TPST1: variants seen among roughly 807,000 people sequenced by gnomAD.
TPST1 encodes the protein tyrosylprotein sulfotransferase 1.
In TPST1, 20 loss-of-function variants were observed where a neutral mutation model predicts 34.8. The ratio of observed to expected loss-of-function variants is 0.57; its 90% CI spans 0.40 to 0.84. TPST1 has a LOEUF of 0.84. TPST1 is among the 40% of genes least tolerant of loss of function. TPST1 has a pLI of 0.00. For synonymous variants in TPST1, 152 were observed against 159.4 expected, an observed-to-expected ratio of 0.95 and a Z score of 0.35; for missense variants, 353 against 455.5, an observed-to-expected ratio of 0.78 and a Z score of 2.05.
intron 1 of TPST1, among the ~76,000 whole-genome samples, chr7:66,232,494 TC>T (rs1789819308): frequency 6.6e-6 from 1 of 152,058 alleles, no homozygotes; most frequent in African/African-American, 2.4e-5. Flanking sequence ...TGCCTCAGCC[TC>T]CCGAGTAGCT....
At chr7:66,302,867 G>C (rs1266646723) in intron 3 of TPST1, among the ~76,000 whole-genome samples, 1 of 152,176 alleles carries the variant, frequency 6.6e-6, no homozygotes, top group African/African-American at 2.4e-5. Context: ...GCTTTAGAAT[G>C]ATGGCATTAA....
At chr7:66,314,324 C>T (rs1791591553) in intron 3 of TPST1, among the ~76,000 whole-genome samples, 1 of 152,172 alleles carries the variant, frequency 6.6e-6, no homozygotes, top group Non-Finnish European at 1.5e-5. Context: ...CGCTTAAGCC[C>T]AGGAACTCAA....
intron 1 of TPST1, among the ~76,000 whole-genome samples, chr7:66,230,691 T>A (rs1789764401): frequency 6.6e-6 from 1 of 152,278 alleles, no homozygotes; most frequent in Non-Finnish European, 1.5e-5. Context: ...GCAAGATTTA[T>A]TGCAAAGAGC....
At chr7:66,281,837 G>T (rs993239643) in intron 2 of TPST1, among the ~76,000 whole-genome samples, 2 of 152,290 alleles carry the variant, frequency 1.3e-5, no homozygotes, top group African/African-American at 4.8e-5. Flanking sequence ...ACTGAGTCTC[G>T]TGGAAGATCC....
intron 3 of TPST1, among the ~76,000 whole-genome samples, chr7:66,325,538 C>T (rs1380423671): frequency 1.3e-5 from 2 of 152,014 alleles, no homozygotes; most frequent in South Asian, 2.1e-4. Context: ...AGGCTGGTCT[C>T]GAACTCCTGG....
At chr7:66,345,330 C>T (rs946580337) in intron 3 of TPST1, among the ~76,000 whole-genome samples, 8 of 151,236 alleles carry the variant, frequency 5.3e-5, no homozygotes, top group Non-Finnish European at 1.0e-4. Flanking sequence ...AACCCTGTCT[C>T]TACTAAAAAT....
At chr7:66,315,923 C>CG (rs1397628512) in intron 3 of TPST1, among the ~76,000 whole-genome samples, 1 of 152,048 alleles carries the variant, frequency 6.6e-6, no homozygotes, top group African/African-American at 2.4e-5. Context: ...CCAGCCTGAC[C>CG]AACATGGAGA....
chr7:66,214,051 T>C (rs1181825407), intron 1 of TPST1, among the ~76,000 whole-genome samples: 1 of 152,190 alleles, frequency 6.6e-6, no homozygotes, highest in Admixed American at 6.5e-5. Context: ...TGTTCAACCA[T>C]TTAAAGTGTA....
At chr7:66,219,841 G>GT (rs1437823589) in intron 1 of TPST1, among the ~76,000 whole-genome samples, 1 of 152,166 alleles carries the variant, frequency 6.6e-6, no homozygotes, top group Non-Finnish European at 1.5e-5. Context: ...TATTAAGGAA[G>GT]TTTTTTATTC....
At chr7:66,321,788 C>A (rs923320647) in intron 3 of TPST1, among the ~76,000 whole-genome samples, 1 of 152,176 alleles carries the variant, frequency 6.6e-6, no homozygotes, top group Admixed American at 6.5e-5. Flanking sequence ...TTCCTCGTGT[C>A]TATTGATATC....
intron 2 of TPST1, among the ~76,000 whole-genome samples, chr7:66,271,970 G>T (rs938809314): frequency 4.6e-5 from 7 of 152,074 alleles, no homozygotes; most frequent in African/African-American, 1.7e-4. Flanking sequence ...ATACACTCTA[G>T]TAGATTCTTC....
At chr7:66,224,535 G>A (rs1744636668) in intron 1 of TPST1, among the ~76,000 whole-genome samples, 1 of 152,114 alleles carries the variant, frequency 6.6e-6, no homozygotes, top group Admixed American at 6.6e-5. Flanking sequence ...CTAGAATATA[G>A]CCATGTTCCT....
At chr7:66,314,273 G>A (rs943599157) in intron 3 of TPST1, among the ~76,000 whole-genome samples, 1 of 152,186 alleles carries the variant, frequency 6.6e-6, no homozygotes, top group Non-Finnish European at 1.5e-5. Flanking sequence ...TGTGGCTCAT[G>A]CCTATGATCC....
intron 3 of TPST1, among the ~76,000 whole-genome samples, chr7:66,293,668 A>G (rs1014486421): frequency 6.6e-6 from 1 of 152,162 alleles, no homozygotes. Flanking sequence ...TTCTCAGCCA[A>G]TTACTGCAGA....
intron 2 of TPST1, among the ~76,000 whole-genome samples, chr7:66,258,353 CACCTGTGA>C: frequency 6.6e-6 from 1 of 152,356 alleles, no homozygotes; most frequent in South Asian, 2.1e-4. Flanking sequence ...CAAGTTTTCT[CACCTGTGA>C]ATAGTATTTC....
chr7:66,337,143 A>T (rs1399457192), intron 3 of TPST1, among the ~76,000 whole-genome samples: 1 of 152,160 alleles, frequency 6.6e-6, no homozygotes, highest in East Asian at 1.9e-4. Context: ...AAGGATGCTA[A>T]TGGGTAAAAA....
intron 1 of TPST1, among the ~76,000 whole-genome samples, chr7:66,220,731 A>G (rs1253968027): frequency 6.7e-6 from 1 of 148,754 alleles, no homozygotes; most frequent in Non-Finnish European, 1.5e-5. Flanking sequence ...TGGGTCAGGA[A>G]CGGCCTTGTA....
At chr7:66,358,024 C>T (rs1792617009) in intron 5 of TPST1, among the ~76,000 whole-genome samples, 2 of 152,018 alleles carry the variant, frequency 1.3e-5, no homozygotes, top group South Asian at 2.1e-4. Context: ...GTGGATGTTA[C>T]AGTAAGCCGA....
chr7:66,326,775 A>C (rs1453785734), intron 3 of TPST1, among the ~76,000 whole-genome samples: 1 of 152,242 alleles, frequency 6.6e-6, no homozygotes, highest in Admixed American at 6.5e-5. Flanking sequence ...ACTTAAAAGA[A>C]ATAGAATTCT....
Sources: gnomAD v4.1 joint callset for allele counts (sites outside exome capture counted in the v4.1 genomes callset) on GRCh38, gnomAD v4.1.1 for gene constraint, MANE v1.5 for transcripts, NCBI Gene and HGNC (gene_info 2026-07-23, HGNC 2026-07-21) for gene names.